Variants in BRAF observed in about 807,000 individuals in gnomAD.
BRAF encodes B-Raf proto-oncogene, serine/threonine kinase, also known as serine/threonine-protein kinase B-raf.
BRAF carries 16 observed loss-of-function variants against 104.6 expected under a neutral mutation model. The ratio of observed to expected loss-of-function variants is 0.15; its 90% CI spans 0.10 to 0.23. BRAF has a LOEUF of 0.23. Ranked by LOEUF, BRAF falls within the 10% of genes least tolerant of loss-of-function variation. The pLI is 1.00. For synonymous variants in BRAF, 310 were observed against 341.6 expected (o/e 0.91, Z 1.02); for missense variants, 541 against 937.3 (o/e 0.58, Z 5.52).
intron 8 of BRAF, among the ~76,000 whole-genome samples, chr7:140,787,842 A>G (rs1172976363): frequency 4.6e-5 from 7 of 152,218 alleles, no homozygotes; most frequent in Non-Finnish European, 1.0e-4. Context: ...CAGGCCATTC[A>G]AAACCAATGG....
intron 14 of BRAF, among the ~76,000 whole-genome samples, chr7:140,769,227 C>T (rs1652429850): frequency 6.6e-6 from 1 of 152,068 alleles, no homozygotes; most frequent in African/African-American, 2.4e-5. Context: ...CAGGCACCGG[C>T]CACCATGCCC....
Position 140,924,486 on chromosome 7 carries a change from C to A in BRAF, c.138+80G>T. On this transcript the variant is annotated intron_variant, in intron 1 of 19. Transcript: ENST00000644969. The surrounding 1 kb of genome is among the most constrained non-coding windows in gnomAD (Gnocchi z 4.2). Reference sequence around the variant, plus strand: ...GTGGCTGAGGGCATCAAGCCCCCACCGCCGCCTCTTTCCAAAATAAACACC... The same window carrying A: ...GTGGCTGAGGGCATCAAGCCCCCACAGCCGCCTCTTTCCAAAATAAACACC... The A allele has an allele frequency of 1.3e-6, 2 of 1,525,924 alleles. No individual in the cohort carries two copies. The highest frequency in any genetic ancestry group is 1.8e-6 in the Non-Finnish European group (2 of 1,141,072). The allele number at this position is 1,525,924 out of a possible 1,614,324, so 94.5% of individuals were successfully genotyped here.
chr7:140,834,348 T>C, intron 3 of BRAF: 1 of 583,904 alleles, frequency 1.7e-6, no homozygotes, highest in Non-Finnish European at 3.0e-6. Flanking sequence ...TATTTTAAAC[T>C]AGTGCTTAGA....
At chr7:140,790,526 T>A (rs1801844717) in intron 8 of BRAF, among the ~76,000 whole-genome samples, 1 of 152,222 alleles carries the variant, frequency 6.6e-6, no homozygotes, top group Non-Finnish European at 1.5e-5. Flanking sequence ...TAGCTATAAT[T>A]TCTGAATTCT....
At chr7:140,879,734 C>CT (rs111477938) in intron 1 of BRAF, among the ~76,000 whole-genome samples, 6,544 of 141,678 alleles carry the variant, frequency 0.046, 478 homozygotes, top group African/African-American at 0.16. Flanking sequence ...CAATTTCTTT[C>CT]TTTTTTTTTT....
intron 3 of BRAF, among the ~76,000 whole-genome samples, chr7:140,827,827 C>T (rs2129057982): frequency 6.6e-6 from 1 of 152,382 alleles, no homozygotes; most frequent in South Asian, 2.1e-4. Context: ...AAACCAGCCA[C>T]AGACAACATA....
chr7:140,803,563 A>G (rs952164064), intron 5 of BRAF, among the ~76,000 whole-genome samples: 4 of 152,198 alleles, frequency 2.6e-5, no homozygotes, highest in Admixed American at 1.3e-4. Context: ...CTAAAAGACA[A>G]TAAGATCTAT....
At chr7:140,744,736 T>C (rs1018673946) in intron 17 of BRAF, among the ~76,000 whole-genome samples, 7 of 152,282 alleles carry the variant, frequency 4.6e-5, no homozygotes, top group Admixed American at 3.3e-4. Flanking sequence ...CATACATTAA[T>C]TGAAGGGAAA....
chr7:140,834,931 G>A, intron 2 of BRAF, 59 bp from the exon 3 acceptor site: 3 of 1,593,916 alleles, frequency 1.9e-6, no homozygotes, highest in Non-Finnish European at 2.6e-6. Context: ...TAACAAAAGA[G>A]AATATAAAAT....
Position 140,734,774 on chromosome 7 carries a change from CA to C in BRAF, c.2248-5del, listed in dbSNP as rs373442098. Reference sequence around the variant, plus strand: ...GCAGCTCAATAGAGGCGAGAATCTACAAAAAAAAAAAGAAAAAAAAAAGAAA... The same window carrying C: ...GCAGCTCAATAGAGGCGAGAATCTACAAAAAAAAAAGAAAAAAAAAAGAAA... On this transcript the variant is annotated splice_region_variant and splice_polypyrimidine_tract_variant and intron_variant, in intron 18 of 19. Coordinates refer to ENST00000644969, the MANE Select transcript of BRAF (RefSeq NM_001374258.1). 0.035 allele frequency: 24,651 copies of C among 713,756 alleles called. 16 individuals are homozygous for C. The highest frequency in any genetic ancestry group is 0.044 in the East Asian group (912 of 20,944). The allele number at this position is 713,756 out of a possible 1,614,324, so 44.2% of individuals were successfully genotyped here.
chr7:140,891,277 G>T (rs1814188664), intron 1 of BRAF, among the ~76,000 whole-genome samples: 2 of 152,136 alleles, frequency 1.3e-5, no homozygotes, highest in Non-Finnish European at 2.9e-5. Context: ...TTCTCCAAAG[G>T]AGTATACAGT....
rs117564981 is a variant in BRAF at position 140,884,551 on chromosome 7, G to A, written c.139-34339C>T. ...GGCAGGAATGTAGTGCATGACCACA[G>A]CTCCCCACAATCTCAAACTCTGGGC... On this transcript the variant is annotated intron_variant, in intron 1 of 19. Coordinates refer to ENST00000644969, the MANE Select transcript of BRAF (RefSeq NM_001374258.1). 1.9e-3 allele frequency among the ~76,000 whole-genome samples: 284 copies of A among 151,182 alleles called. 9 individuals carry two copies. The East Asian group carries it at 0.046, about 24-fold the overall frequency.
chr7:140,793,441 G>C (rs1586183077), intron 8 of BRAF, among the ~76,000 whole-genome samples: 1 of 151,910 alleles, frequency 6.6e-6, no homozygotes, highest in Non-Finnish European at 1.5e-5. Context: ...AAATTTCTTA[G>C]TAAAAAGTGG....
intron 12 of BRAF, among the ~76,000 whole-genome samples, chr7:140,779,039 G>C (rs1207844166): frequency 6.6e-6 from 1 of 152,184 alleles, no homozygotes; most frequent in Non-Finnish European, 1.5e-5. Context: ...ATACTGTAAA[G>C]AGAATGAATG....
At chr7:140,880,592 C>A (rs960851044) in intron 1 of BRAF, among the ~76,000 whole-genome samples, 13 of 152,048 alleles carry the variant, frequency 8.5e-5, no homozygotes, top group Admixed American at 5.2e-4. Flanking sequence ...TTAATGTTGC[C>A]CAGATCCATC....
At chr7:140,877,291 G>T in intron 1 of BRAF, among the ~76,000 whole-genome samples, 1 of 81,354 alleles carries the variant, frequency 1.2e-5, no homozygotes. Context: ...TTTTTTAAGA[G>T]ATGGGGGGGG....
At chr7:140,846,501 G>T (rs1268993077) in intron 2 of BRAF, among the ~76,000 whole-genome samples, 1 of 152,118 alleles carries the variant, frequency 6.6e-6, no homozygotes, top group Non-Finnish European at 1.5e-5. Context: ...GTAGAATGGT[G>T]GTTGCTACGA....
At chr7:140,854,194 T>C (rs1250631204) in intron 1 of BRAF, among the ~76,000 whole-genome samples, 1 of 152,152 alleles carries the variant, frequency 6.6e-6, no homozygotes, top group Non-Finnish European at 1.5e-5. Flanking sequence ...GGATCTTTCC[T>C]TAGAGCATCC....
downstream of BRAF, among the ~76,000 whole-genome samples, chr7:140,716,359 T>G (rs1795130022): frequency 6.6e-6 from 1 of 152,212 alleles, no homozygotes; most frequent in African/African-American, 2.4e-5. Context: ...TTAAAAAGGT[T>G]AAATGAGTTA....
Sources: allele counts gnomAD v4.1 joint callset (sites outside exome capture counted in the v4.1 genomes callset), GRCh38; gene constraint gnomAD v4.1.1; non-coding constraint Gnocchi (gnomAD v3.1); transcripts MANE v1.5; gene names NCBI Gene and HGNC (gene_info 2026-07-23, HGNC 2026-07-21).